TGFA: variants seen among roughly 807,000 people sequenced by gnomAD.
TGFA encodes the protein protransforming growth factor alpha.
In TGFA, 12 loss-of-function variants were observed where a neutral mutation model predicts 21.7. The ratio of observed to expected loss-of-function variants is 0.55; its 90% confidence interval spans 0.35 to 0.90. The LOEUF is 0.90. Among genes scored for constraint, TGFA ranks in the 40% least tolerant of loss-of-function variants. The pLI, the probability that TGFA is intolerant of heterozygous loss-of-function variation, is 0.01. For synonymous variants in TGFA, 79 were observed against 88.1 expected (o/e 0.90, Z 0.58); for missense variants, 178 against 210.8 (o/e 0.84, Z 0.96).
At chr2:70,461,154 T>C (rs1670394358) in intron 3 of TGFA, among the ~76,000 whole-genome samples, 1 of 152,190 alleles carries the variant, frequency 6.6e-6, no homozygotes, top group Non-Finnish European at 1.5e-5. Flanking sequence ...TATGGGAGAC[T>C]CAGCTGGACT....
chr2:70,541,219 C>T (rs916101341), intron 1 of TGFA, among the ~76,000 whole-genome samples: 2 of 152,044 alleles, frequency 1.3e-5, no homozygotes, highest in Non-Finnish European at 2.9e-5. Flanking sequence ...CCATCAATAG[C>T]GATGGATTAA....
chr2:70,492,542 C>T (rs536049725), intron 2 of TGFA, among the ~76,000 whole-genome samples: 2 of 152,314 alleles, frequency 1.3e-5, no homozygotes, highest in South Asian at 4.1e-4. Context: ...TCTAAGGATG[C>T]TCTCTGCTGG....
intron 1 of TGFA, among the ~76,000 whole-genome samples, chr2:70,545,207 G>A (rs1205468504): frequency 6.6e-6 from 1 of 151,910 alleles, no homozygotes; most frequent in African/African-American, 2.4e-5. Context: ...AGGAGATGAA[G>A]GACACGAAGG....
chr2:70,516,003 A>T (rs1574123195), intron 1 of TGFA, among the ~76,000 whole-genome samples: 1 of 152,230 alleles, frequency 6.6e-6, no homozygotes, highest in South Asian at 2.1e-4. Flanking sequence ...TACAGGTTGC[A>T]TGCCCATAAA....
intron 2 of TGFA, among the ~76,000 whole-genome samples, chr2:70,474,969 C>CATGT (rs3220306): frequency 6.8e-6 from 1 of 147,592 alleles, no homozygotes; most frequent in East Asian, 2.0e-4. Context: ...ACACAGCAGC[C>CATGT]GTGTGTGTGT....
intron 2 of TGFA, among the ~76,000 whole-genome samples, chr2:70,490,188 G>T (rs1445817779): frequency 1.3e-5 from 2 of 152,296 alleles, no homozygotes; most frequent in East Asian, 1.9e-4. Flanking sequence ...ATAAACAACT[G>T]TAGCAAAATT....
At chr2:70,550,992 A>C (rs538332779) in intron 1 of TGFA, among the ~76,000 whole-genome samples, 1 of 152,282 alleles carries the variant, frequency 6.6e-6, no homozygotes, top group Admixed American at 6.5e-5. Flanking sequence ...GATAAACGAA[A>C]ACCTACAAAC....
At chr2:70,472,311 G>T (rs1198618061) in intron 2 of TGFA, among the ~76,000 whole-genome samples, 2 of 152,196 alleles carry the variant, frequency 1.3e-5, no homozygotes, top group Non-Finnish European at 2.9e-5. Flanking sequence ...AAATGTTCCA[G>T]GTTTTGGAAC....
At chr2:70,475,006 A>G in intron 2 of TGFA, among the ~76,000 whole-genome samples, 1 of 106,212 alleles carries the variant, frequency 9.4e-6, no homozygotes, top group Admixed American at 9.9e-5. Flanking sequence ...GTGTGTGTGT[A>G]CTGGGAAAAA....
chr2:70,474,999 T>TGTGTGTGC (rs1186449497), intron 2 of TGFA, among the ~76,000 whole-genome samples: 1 of 151,902 alleles, frequency 6.6e-6, no homozygotes, highest in African/African-American at 2.4e-5. Context: ...TGTGTGTGTG[T>TGTGTGTGC]GTGTGTACTG....
At chr2:70,495,631 G>A (rs11466229) in intron 2 of TGFA, among the ~76,000 whole-genome samples, 26,116 of 151,946 alleles carry the variant, frequency 0.17, 2,596 homozygotes, top group Admixed American at 0.3. Context: ...TTTCTACTTG[G>A]TCTATAGTCT....
intron 2 of TGFA, among the ~76,000 whole-genome samples, chr2:70,504,641 C>A (rs1553499868): frequency 6.6e-6 from 1 of 151,630 alleles, no homozygotes; most frequent in African/African-American, 2.4e-5. Context: ...GTTATACACA[C>A]ACATACCTGG....
intron 1 of TGFA, among the ~76,000 whole-genome samples, chr2:70,545,395 T>G (rs1363504297): frequency 1.3e-5 from 2 of 152,192 alleles, no homozygotes; most frequent in Non-Finnish European, 2.9e-5. Flanking sequence ...TTAGTTCCTA[T>G]GCCACAGTAT....
At chr2:70,516,210 A>G (rs1409810194) in intron 1 of TGFA, among the ~76,000 whole-genome samples, 8 of 152,256 alleles carry the variant, frequency 5.3e-5, no homozygotes, top group African/African-American at 1.7e-4. Context: ...TGGGCCTCTG[A>G]CAGGTTAGCT....
intron 3 of TGFA, among the ~76,000 whole-genome samples, chr2:70,463,598 C>T (rs1027524894): frequency 1.5e-4 from 23 of 152,202 alleles, no homozygotes; most frequent in African/African-American, 5.1e-4. Context: ...AACTGAGCTT[C>T]TGACTCACTT....
chr2:70,547,860 T>TAG (rs1221855498), intron 1 of TGFA, among the ~76,000 whole-genome samples: 2 of 148,078 alleles, frequency 1.4e-5, no homozygotes, highest in Admixed American at 1.4e-4. Flanking sequence ...TATATCTATA[T>TAG]ATAGAGAGAT....
At chr2:70,533,424 A>T (rs1215741183) in intron 1 of TGFA, among the ~76,000 whole-genome samples, 1 of 152,254 alleles carries the variant, frequency 6.6e-6, no homozygotes, top group Non-Finnish European at 1.5e-5. Context: ...TAGCTGACCC[A>T]GATGAAGATC....
chr2:70,464,029 T>C (rs1283362284), intron 3 of TGFA, among the ~76,000 whole-genome samples: 1 of 152,204 alleles, frequency 6.6e-6, no homozygotes, highest in Non-Finnish European at 1.5e-5. Flanking sequence ...GTGCCTCTCC[T>C]TCTTTCTCTC....
chr2:70,516,382 G>A (rs939136611), intron 1 of TGFA, among the ~76,000 whole-genome samples: 10 of 152,148 alleles, frequency 6.6e-5, no homozygotes, highest in Admixed American at 1.3e-4. Context: ...AACACACTTG[G>A]AATAGATAAA....
Sources: gnomAD v4.1 joint callset for allele counts (sites outside exome capture counted in the v4.1 genomes callset) on GRCh38, gnomAD v4.1.1 for gene constraint, MANE v1.5 for transcripts, NCBI Gene and HGNC (gene_info 2026-07-23, HGNC 2026-07-21) for gene names.